Variants in MAD2L1 observed in about 807,000 individuals in gnomAD.
MAD2L1 encodes the protein mitotic arrest deficient 2 like 1, also known as mitotic spindle assembly checkpoint protein MAD2A.
A neutral mutation model predicts 25.9 loss-of-function variants in MAD2L1; 10 were observed. The ratio of observed to expected loss-of-function variants is 0.39; its 90% CI spans 0.24 to 0.66. The LOEUF is 0.66. Ranked by LOEUF, MAD2L1 falls within the 30% of genes least tolerant of loss-of-function variation. The probability of loss-of-function intolerance (pLI) is 0.49; values close to 1 mark genes in which losing one functional copy is unlikely to be tolerated. For synonymous variants in MAD2L1, 81 were observed against 91.8 expected, an observed-to-expected ratio of 0.88 and a Z score of 0.67; for missense variants, 180 against 246.4, an observed-to-expected ratio of 0.73 and a Z score of 1.80.
chr4:120,059,062 A>T lies in MAD2L1; in HGVS notation c.*1056T>A, dbSNP rs1726161145. The T allele has an allele frequency of 6.6e-6, 1 of 152,212 alleles. No homozygotes were observed. Among genetic ancestry groups the T allele is most frequent in the Non-Finnish European group, 1.5e-5 (1 of 68,038 alleles). 9.4% of individuals were successfully genotyped at this position (152,212 alleles called of 1,614,324 possible). ...CTGGATAGAAAGCATGTACCAGATG[A>T]GGGTATTAATGAAAGCACAGGAATA... On this transcript the variant is annotated 3_prime_UTR_variant, in exon 5 of 5. Coordinates refer to ENST00000296509, the MANE Select transcript of MAD2L1 (RefSeq NM_002358.4).
In MAD2L1 at chr4:120,056,844, G is replaced by A. The variant is rs760667514; in HGVS notation, c.*3274C>T. On this transcript the variant is annotated 3_prime_UTR_variant, in exon 5 of 5. Coordinates refer to ENST00000296509, the MANE Select transcript of MAD2L1 (RefSeq NM_002358.4). ...AAATTGTGAACTGTGGGGTGTGTTA[G>A]GAAGTATGTCAAGAAAATAGCTGGT... The A allele has an allele frequency of 6.6e-6, 1 of 152,188 alleles. No individual in the cohort carries two copies. The highest frequency in any genetic ancestry group is 1.5e-5 in the Non-Finnish European group (1 of 68,034). 9.4% of individuals were successfully genotyped at this position (152,188 alleles called of 1,614,324 possible). A position where few individuals can be genotyped will look rare whatever the true frequency, so the allele number is the denominator to read the frequency against.
chr4:120,064,963 G>A (rs1181315595), intron 2 of MAD2L1, among the ~76,000 whole-genome samples: 2 of 152,084 alleles, frequency 1.3e-5, no homozygotes, highest in Admixed American at 6.5e-5. Flanking sequence ...AATTAGAAAT[G>A]AGAATCCTAA....
At position 120,057,658 on chromosome 4, in the gene MAD2L1, A is replaced by C. The variant is rs1277002605; in HGVS notation, c.*2460T>G. 3 of 152,244 alleles carry C rather than the reference A, an allele frequency of 2.0e-5. No homozygotes were observed. The highest frequency in any genetic ancestry group is 7.2e-5 in the African/African-American group (3 of 41,442). 9.4% of individuals were successfully genotyped at this position (152,244 alleles called of 1,614,324 possible). ...CTAGAGGCCTATCATGCTGTCTTAG[A>C]ACCTTCTCTTTAACATGGTGTAGAA... On this transcript the variant is annotated 3_prime_UTR_variant, in exon 5 of 5. Transcript: ENST00000296509.
chr4:120,060,375 C>A, intron 4 of MAD2L1, 85 bp from the exon 5 acceptor site: 1 of 1,113,866 alleles, frequency 9.0e-7, no homozygotes, highest in Non-Finnish European at 1.2e-6. Context: ...TTGAACCACT[C>A]ACTGCTGGAA....
chr4:120,066,630 C>T, intron 1 of MAD2L1, 32 bp downstream of exon 1: 1 of 1,579,914 alleles, frequency 6.3e-7, no homozygotes. Context: ...GACTCCGTTC[C>T]CCCCGATATA....
Position 120,061,972 on chromosome 4 carries a change from T to C in MAD2L1, c.341+3A>G. 1 of 1,599,362 alleles carries C rather than the reference T, an allele frequency of 6.3e-7. No homozygotes were observed. Among genetic ancestry groups the C allele is most frequent in the Non-Finnish European group, 8.5e-7 (1 of 1,174,918 alleles). On this transcript the variant is annotated splice_donor_region_variant and intron_variant, in intron 3 of 4. Coordinates refer to ENST00000296509, the MANE Select transcript of MAD2L1 (RefSeq NM_002358.4). ...AAGTAGAAATAATGTAATTCCTATT[T>C]ACCTGTCATCTTTTGCAGTCTTGTC... is the stretch of plus-strand genomic sequence containing the variant.
At position 120,056,613 on chromosome 4, in the gene MAD2L1, T is replaced by C. The variant is rs1726114654; in HGVS notation, c.*3505A>G. 6.6e-6 allele frequency: 1 copy of C among 152,180 alleles called. No individual in the cohort carries two copies. The highest frequency in any genetic ancestry group is 1.9e-4 in the East Asian group (1 of 5,198). 9.4% of individuals were successfully genotyped at this position (152,180 alleles called of 1,614,324 possible). A position where few individuals can be genotyped will look rare whatever the true frequency, so the allele number is the denominator to read the frequency against. ...CTTTGAATCTATATGCTAAAATATATAGGAAGTCAGTATAATTAGCATTAT... is the reference window on the plus strand; with the variant it reads ...CTTTGAATCTATATGCTAAAATATACAGGAAGTCAGTATAATTAGCATTAT... On this transcript the variant is annotated 3_prime_UTR_variant, in exon 5 of 5. Coordinates refer to ENST00000296509, the MANE Select transcript of MAD2L1 (RefSeq NM_002358.4).
intron 2 of MAD2L1, among the ~76,000 whole-genome samples, chr4:120,063,461 C>T (rs1726259229): frequency 6.6e-6 from 1 of 152,162 alleles, no homozygotes; most frequent in Admixed American, 6.5e-5. Context: ...ACACTCTTAG[C>T]TTGTGGGCAG....
intron 2 of MAD2L1, among the ~76,000 whole-genome samples, chr4:120,063,950 C>T (rs28472949): frequency 0.044 from 6,765 of 152,214 alleles, 162 homozygotes; most frequent in Middle Eastern, 0.058. Flanking sequence ...GGAGATCACG[C>T]CACTGCACTC....
intron 1 of MAD2L1, among the ~76,000 whole-genome samples, chr4:120,066,163 TGA>T (rs1560771914): frequency 1.3e-5 from 2 of 152,076 alleles, no homozygotes; most frequent in Admixed American, 1.3e-4. Flanking sequence ...AGCAACTGAC[TGA>T]ATAGTCACTG....
chr4:120,066,604 C>G, intron 1 of MAD2L1, 58 bp downstream of exon 1: 1 of 1,470,540 alleles, frequency 6.8e-7, no homozygotes, highest in Non-Finnish European at 9.4e-7. Context: ...GAGCTGTGGG[C>G]CTACTGAGCC....
At chr4:120,061,232 T>C (rs1261133923) in intron 3 of MAD2L1, among the ~76,000 whole-genome samples, 1 of 152,172 alleles carries the variant, frequency 6.6e-6, no homozygotes, top group Admixed American at 6.5e-5. Flanking sequence ...TCAGGTCATT[T>C]AGTATCAGAT....
At position 120,055,736 on chromosome 4, in the gene MAD2L1, A is replaced by G. The variant is rs1726097736; in HGVS notation, c.*4382T>C. 6.6e-6 allele frequency: 1 copy of G among 152,194 alleles called. No individual in the cohort carries two copies. Among genetic ancestry groups the G allele is most frequent in the Non-Finnish European group, 1.5e-5 (1 of 68,020 alleles). 9.4% of individuals were successfully genotyped at this position (152,194 alleles called of 1,614,324 possible). ...AAGTTAAGCCGCAAACAATTCACCA[A>G]AAACTGAGTAATTAAGGTTACTTAA... On this transcript the variant is annotated 3_prime_UTR_variant, in exon 5 of 5. Transcript: ENST00000296509.
At position 120,056,554 on chromosome 4, in the gene MAD2L1, T is replaced by C. The variant is rs923165170; in HGVS notation, c.*3564A>G. Reference sequence around the variant, plus strand: ...AAATGAAAACAAGATGAAGAAATGGTCTATGAAGTTATCTACCTTATTGTG... The same window carrying C: ...AAATGAAAACAAGATGAAGAAATGGCCTATGAAGTTATCTACCTTATTGTG... On this transcript the variant is annotated 3_prime_UTR_variant, in exon 5 of 5. Coordinates refer to ENST00000296509, the MANE Select transcript of MAD2L1 (RefSeq NM_002358.4). 5 of 152,200 alleles carry C rather than the reference T, an allele frequency of 3.3e-5. No individual in the cohort carries two copies. The highest frequency in any genetic ancestry group is 1.2e-4 in the African/African-American group (5 of 41,444). 9.4% of individuals were successfully genotyped at this position (152,200 alleles called of 1,614,324 possible).
intron 2 of MAD2L1, 64 bp from the exon 3 acceptor site, chr4:120,062,159 C>T (rs919342324): frequency 1.3e-5 from 19 of 1,498,574 alleles, no homozygotes; most frequent in Middle Eastern, 1.8e-4. Context: ...GCTCTCTTCT[C>T]GGGTCCCACT....
In MAD2L1 at chr4:120,056,168, C is replaced by T. The variant is rs76382509; in HGVS notation, c.*3950G>A. On this transcript the variant is annotated 3_prime_UTR_variant, in exon 5 of 5. Coordinates refer to ENST00000296509, the MANE Select transcript of MAD2L1 (RefSeq NM_002358.4). ...AATACAATTTGCATACTTCCTTGGC[C>T]AGGGATAGGAGAGACCACTAAACTT... 2.6e-5 allele frequency: 4 copies of T among 152,226 alleles called. No homozygotes were observed. The East Asian group carries it at 7.7e-4, about 29-fold the overall frequency. The allele number at this position is 152,226 out of a possible 1,614,324, so 9.4% of individuals were successfully genotyped here.
chr4:120,065,556 C>T, intron 2 of MAD2L1, 116 bp downstream of exon 2: 1 of 844,100 alleles, frequency 1.2e-6, no homozygotes, highest in South Asian at 2.1e-5. Flanking sequence ...TTTTCTTCCT[C>T]TCAATTGAAA....
intron 1 of MAD2L1, 138 bp downstream of exon 1, chr4:120,066,524 G>A: frequency 2.9e-6 from 2 of 693,030 alleles, no homozygotes; most frequent in Non-Finnish European, 4.8e-6. Context: ...GCAGCTCCAC[G>A]TTAGCAACGC....
chr4:120,066,771 C>T lies in MAD2L1; in HGVS notation c.-37G>A. 6 of 1,513,092 alleles carry T rather than the reference C, an allele frequency of 4.0e-6. No individual in the cohort carries two copies. Among genetic ancestry groups the T allele is most frequent in the Non-Finnish European group, 5.5e-6 (6 of 1,094,900 alleles). The allele number at this position is 1,513,092 out of a possible 1,614,324, so 93.7% of individuals were successfully genotyped here. ...CAAACAAAAGCACGCGCTTCCACTC[C>T]GCGGACAGCAACCACAGCGGCTCCA... On this transcript the variant is annotated 5_prime_UTR_variant, in exon 1 of 5. Transcript: ENST00000296509.
Sources: allele counts gnomAD v4.1 joint callset (sites outside exome capture counted in the v4.1 genomes callset), GRCh38; gene constraint gnomAD v4.1.1; transcripts MANE v1.5; gene names NCBI Gene and HGNC (gene_info 2026-07-23, HGNC 2026-07-21).